KATNIP: variants seen among roughly 807,000 people sequenced by gnomAD.
KATNIP encodes katanin interacting protein.
In KATNIP, 126 loss-of-function variants were observed where a neutral mutation model predicts 174.0. The ratio of observed to expected loss-of-function variants is 0.72; its 90% CI spans 0.63 to 0.84. KATNIP has a LOEUF of 0.84. Among genes scored for constraint, KATNIP ranks in the 40% least tolerant of loss-of-function variants. KATNIP has a pLI of 0.00. For synonymous variants in KATNIP, 810 were observed against 835.7 expected (o/e 0.97, Z 0.53); for missense variants, 1,958 against 2,109.7 (o/e 0.93, Z 1.41).
chr16:27,658,346 A>G (rs936609179), intron 6 of KATNIP, among the ~76,000 whole-genome samples: 1 of 152,212 alleles, frequency 6.6e-6, no homozygotes. Flanking sequence ...GAATTTGTAG[A>G]TAGGAGGTAG....
rs1009056562 is a variant in KATNIP, at chr16:27,778,815, G to A, written c.*186G>A. 11 of 545,282 alleles carry A rather than the reference G, an allele frequency of 2.0e-5. No individual in the cohort carries two copies. The highest frequency in any genetic ancestry group is 6.3e-5 in the East Asian group (2 of 31,906). The allele number at this position is 545,282 out of a possible 1,614,324, so 33.8% of individuals were successfully genotyped here. A position where few individuals can be genotyped will look rare whatever the true frequency, so the allele number is the denominator to read the frequency against. ...TACTACCAGAGTGACAGATGGCTGTGGCTGCAGGGCAAAGAGATCCCCTGC... is the reference window on the plus strand; with the variant it reads ...TACTACCAGAGTGACAGATGGCTGTAGCTGCAGGGCAAAGAGATCCCCTGC... On this transcript the variant is annotated 3_prime_UTR_variant, in exon 28 of 28. Transcript: ENST00000261588.
intron 2 of KATNIP, among the ~76,000 whole-genome samples, chr16:27,585,749 G>A (rs1465957164): frequency 2.6e-5 from 4 of 152,274 alleles, no homozygotes; most frequent in Admixed American, 2.0e-4. Context: ...TAGACGGATG[G>A]GTCCCAGAGG....
At chr16:27,565,010 TGCCTCG>T (rs970195731) in intron 1 of KATNIP, among the ~76,000 whole-genome samples, 1 of 151,150 alleles carries the variant, frequency 6.6e-6, no homozygotes, top group Non-Finnish European at 1.5e-5. Context: ...GTGTTCCGCC[TGCCTCG>T]GCCTCCCAAA....
intron 23 of KATNIP, among the ~76,000 whole-genome samples, chr16:27,774,205 T>C (rs2082409875): frequency 6.6e-6 from 1 of 152,190 alleles, no homozygotes; most frequent in Non-Finnish European, 1.5e-5. Context: ...GTTGGATCCT[T>C]TTCTGCCTTC....
At chr16:27,674,624 C>T (rs754115956) in intron 6 of KATNIP, among the ~76,000 whole-genome samples, 29 of 152,372 alleles carry the variant, frequency 1.9e-4, no homozygotes, top group Non-Finnish European at 3.4e-4. Context: ...ACTGGACTCA[C>T]CTGGATAATC....
intron 15 of KATNIP, among the ~76,000 whole-genome samples, chr16:27,744,274 C>G (rs1199137104): frequency 6.6e-6 from 1 of 152,016 alleles, no homozygotes; most frequent in Non-Finnish European, 1.5e-5. Context: ...ACCTGTAAAC[C>G]CAGCACTTTG....
chr16:27,632,462 C>T (rs776598811), intron 5 of KATNIP: 9 of 386,166 alleles, frequency 2.3e-5, no homozygotes, highest in Non-Finnish European at 4.3e-5. Context: ...TCATGCCTCT[C>T]CATGGATCCC....
intron 7 of KATNIP, among the ~76,000 whole-genome samples, chr16:27,679,847 C>T (rs2078263487): frequency 6.6e-6 from 1 of 151,898 alleles, no homozygotes; most frequent in African/African-American, 2.4e-5. Context: ...ATTTGTCCAT[C>T]AGACATGCTC....
chr16:27,690,374 T>C (rs1597181097), intron 8 of KATNIP, among the ~76,000 whole-genome samples: 1 of 132,980 alleles, frequency 7.5e-6, no homozygotes, highest in African/African-American at 2.8e-5. Context: ...GATAGATAGA[T>C]AGATAGATAG....
At chr16:27,593,088 T>C (rs761775381) in intron 2 of KATNIP, among the ~76,000 whole-genome samples, 73 of 152,208 alleles carry the variant, frequency 4.8e-4, no homozygotes, top group Non-Finnish European at 9.6e-4. Context: ...TCTCTGCTTC[T>C]GTGTCCTTCT....
chr16:27,566,864 C>T (rs536388427), intron 1 of KATNIP, among the ~76,000 whole-genome samples: 4 of 152,326 alleles, frequency 2.6e-5, no homozygotes, highest in African/African-American at 7.2e-5. Context: ...GAAATCAGAT[C>T]GTCAGACAAC....
In KATNIP at chr16:27,550,191, G is replaced by T. The variant is rs1170514464; in HGVS notation, c.7+14G>T. ...TAGGGATGGACGGTGAGTGTCTGTG[G>T]GCCCCTCCGGGAGGTCGGGCTGTTA... On this transcript the variant is annotated intron_variant, in intron 1 of 27. Transcript: ENST00000261588. The T allele has an allele frequency of 1.1e-5, 17 of 1,607,540 alleles. No individual in the cohort carries two copies. The highest frequency in any genetic ancestry group is 4.0e-5 in the African/African-American group (3 of 74,740).
intron 13 of KATNIP, among the ~76,000 whole-genome samples, chr16:27,713,412 C>G (rs2079675212): frequency 6.6e-6 from 1 of 151,810 alleles, no homozygotes; most frequent in Admixed American, 6.6e-5. Flanking sequence ...ATCCACATGT[C>G]AAAGGCAGAG....
At chr16:27,665,152 G>A (rs1370323680) in intron 6 of KATNIP, among the ~76,000 whole-genome samples, 1 of 149,412 alleles carries the variant, frequency 6.7e-6, no homozygotes, top group Non-Finnish European at 1.5e-5. Context: ...CTTGAGACAG[G>A]GTCTCACTCT....
chr16:27,553,527 C>T (rs952253029), intron 1 of KATNIP, among the ~76,000 whole-genome samples: 1 of 152,154 alleles, frequency 6.6e-6, no homozygotes, highest in East Asian at 1.9e-4. Context: ...TTAAGAATGT[C>T]CTGATGGTTG....
intron 5 of KATNIP, among the ~76,000 whole-genome samples, chr16:27,643,590 C>CAAAAAAAA (rs562253355): frequency 9.9e-5 from 4 of 40,484 alleles, no homozygotes; most frequent in African/African-American, 2.1e-4. Flanking sequence ...GACTCTGTCT[C>CAAAAAAAA]AAAAAAAAAA....
In KATNIP at chr16:27,777,995, C is replaced by T. The variant is rs749667436; in HGVS notation, c.4801+26C>T. On this transcript the variant is annotated intron_variant, in intron 27 of 27. Coordinates refer to ENST00000261588, the MANE Select transcript of KATNIP (RefSeq NM_015202.5). The surrounding 1 kb of genome is among the most constrained non-coding windows in gnomAD (Gnocchi z 4.4). ...GTCAGTGGCGTTTCTCTGCCCAGAGCATTGTGCCTTGGGAGCTCGGTCTGA... is the reference window on the plus strand; with the variant it reads ...GTCAGTGGCGTTTCTCTGCCCAGAGTATTGTGCCTTGGGAGCTCGGTCTGA... 6.2e-7 allele frequency: 1 copy of T among 1,604,540 alleles called. No homozygotes were observed. Among genetic ancestry groups the T allele is most frequent in the South Asian group, 1.1e-5 (1 of 90,816 alleles).
At chr16:27,630,249 C>A (rs2076446571) in intron 4 of KATNIP, among the ~76,000 whole-genome samples, 1 of 152,188 alleles carries the variant, frequency 6.6e-6, no homozygotes, top group African/African-American at 2.4e-5. Flanking sequence ...CCCTCAGTTT[C>A]CTCTTGCATA....
At chr16:27,721,899 G>C (rs1363363736) in intron 14 of KATNIP, among the ~76,000 whole-genome samples, 4 of 152,200 alleles carry the variant, frequency 2.6e-5, no homozygotes, top group African/African-American at 9.7e-5. Flanking sequence ...GTGTTGGGAG[G>C]TGGTATCAGG....
Sources: gnomAD v4.1 joint callset for allele counts (sites outside exome capture counted in the v4.1 genomes callset) on GRCh38, gnomAD v4.1.1 for gene constraint, Gnocchi (gnomAD v3.1) non-coding constraint, MANE v1.5 for transcripts, NCBI Gene and HGNC (gene_info 2026-07-23, HGNC 2026-07-21) for gene names.